Variants in ANO4 observed in about 807,000 individuals in gnomAD.
ANO4 encodes anoctamin-4.
A neutral mutation model predicts 141.9 loss-of-function variants in ANO4; 69 were observed. That is an observed-to-expected ratio of 0.49 (90% CI 0.40 to 0.59). ANO4 has a LOEUF of 0.59. Ranked by LOEUF, ANO4 falls within the 20% of genes least tolerant of loss-of-function variation. ANO4 has a pLI of 0.00. For missense variants in ANO4, 894 were observed against 1,162.2 expected, an observed-to-expected ratio of 0.77 and a Z score of 3.36; for synonymous variants, 350 against 394.3, an observed-to-expected ratio of 0.89 and a Z score of 1.33.
intron 14 of ANO4, among the ~76,000 whole-genome samples, chr12:101,053,102 TA>T (rs1361014098): frequency 2.0e-5 from 3 of 152,214 alleles, no homozygotes; most frequent in African/African-American, 7.2e-5. Flanking sequence ...AATCTCAGTA[TA>T]TTAAAGAAGC....
At chr12:100,922,450 C>G (rs1196460419) in intron 3 of ANO4, 120 bp downstream of exon 3, 1 of 654,466 alleles carries the variant, frequency 1.5e-6, no homozygotes, top group Non-Finnish European at 2.4e-6. Flanking sequence ...AAAATGATGT[C>G]TTGAAAGAGA....
intron 1 of ANO4, among the ~76,000 whole-genome samples, chr12:100,836,456 A>G (rs2036919224): frequency 6.6e-6 from 1 of 151,604 alleles, no homozygotes; most frequent in Non-Finnish European, 1.5e-5. Flanking sequence ...CTCGTCATTT[A>G]CATTAGGTAT....
At chr12:100,795,865 G>A (rs991440683) in intron 1 of ANO4, among the ~76,000 whole-genome samples, 5 of 152,044 alleles carry the variant, frequency 3.3e-5, no homozygotes, top group Non-Finnish European at 5.9e-5. Flanking sequence ...TTTATTCCAG[G>A]GACATTACTC....
At chr12:100,915,212 T>C (rs559534826) in intron 2 of ANO4, among the ~76,000 whole-genome samples, 2 of 152,160 alleles carry the variant, frequency 1.3e-5, no homozygotes, top group African/African-American at 2.4e-5. Flanking sequence ...ACTCCCAGTT[T>C]AGAAAATGGG....
intron 15 of ANO4, 69 bp downstream of exon 15, chr12:101,079,344 A>G: frequency 7.8e-7 from 1 of 1,280,646 alleles, no homozygotes; most frequent in South Asian, 1.2e-5. Flanking sequence ...CCCCCCCAAA[A>G]TTGTCACTCT....
At chr12:101,114,218 A>G (rs1238035364) in intron 24 of ANO4, among the ~76,000 whole-genome samples, 1 of 152,262 alleles carries the variant, frequency 6.6e-6, no homozygotes, top group Non-Finnish European at 1.5e-5. Context: ...TGAATTTTAT[A>G]CAGCAAAATG....
chr12:101,090,205 C>T (rs1465181058), intron 17 of ANO4, among the ~76,000 whole-genome samples: 1 of 152,204 alleles, frequency 6.6e-6, no homozygotes, highest in Non-Finnish European at 1.5e-5. Context: ...CCTCAAGGAT[C>T]TAGAACTAGA....
intron 4 of ANO4, among the ~76,000 whole-genome samples, 156 bp from the exon 5 acceptor site, chr12:100,942,221 C>T (rs370153294): frequency 2.0e-5 from 3 of 152,096 alleles, no homozygotes; most frequent in Non-Finnish European, 2.9e-5. Flanking sequence ...CCTCGTGATC[C>T]ACCCGCCTCG....
chr12:100,879,225 T>C (rs1385392154), intron 1 of ANO4, among the ~76,000 whole-genome samples: 2 of 152,210 alleles, frequency 1.3e-5, no homozygotes, highest in South Asian at 4.1e-4. Flanking sequence ...ATGTTTGTGG[T>C]GTGAATATTA....
chr12:100,772,628 C>A (rs2033347007), intron 3 of ANO4, among the ~76,000 whole-genome samples: 1 of 152,150 alleles, frequency 6.6e-6, no homozygotes, highest in African/African-American at 2.4e-5. Context: ...CCCTTTGGAG[C>A]CTGACGCAGC....
At chr12:101,111,173 A>G (rs1013993870) in intron 23 of ANO4, among the ~76,000 whole-genome samples, 1 of 152,236 alleles carries the variant, frequency 6.6e-6, no homozygotes, top group Non-Finnish European at 1.5e-5. Flanking sequence ...TTCTGTGAGC[A>G]CCTACCCTGG....
At chr12:100,732,070 G>A (rs11110501) in intron 1 of ANO4, among the ~76,000 whole-genome samples, 4 of 152,116 alleles carry the variant, frequency 2.6e-5, no homozygotes, top group Non-Finnish European at 4.4e-5. Flanking sequence ...TTGGATGGGC[G>A]TAAGTTTTCA....
At chr12:100,868,354 G>C (rs916687009) in intron 1 of ANO4, among the ~76,000 whole-genome samples, 2 of 152,126 alleles carry the variant, frequency 1.3e-5, no homozygotes, top group Non-Finnish European at 2.9e-5. Context: ...CCCAGCCCAC[G>C]AGAGTAGAAT....
intron 8 of ANO4, among the ~76,000 whole-genome samples, chr12:101,008,546 A>G (rs1242207363): frequency 1.3e-5 from 2 of 152,172 alleles, no homozygotes; most frequent in African/African-American, 4.8e-5. Flanking sequence ...AATGTAGATC[A>G]CTATTTACAT....
intron 3 of ANO4, among the ~76,000 whole-genome samples, chr12:100,925,457 T>C (rs1466574368): frequency 6.7e-6 from 1 of 149,494 alleles, no homozygotes; most frequent in Non-Finnish European, 1.5e-5. Context: ...GTTAGTTTGC[T>C]GAAAATGATG....
At chr12:100,839,405 T>G (rs573020492) in intron 1 of ANO4, among the ~76,000 whole-genome samples, 1 of 152,160 alleles carries the variant, frequency 6.6e-6, no homozygotes, top group Non-Finnish European at 1.5e-5. Context: ...AAAGAAAGTT[T>G]AGGGATACCT....
intron 25 of ANO4, among the ~76,000 whole-genome samples, chr12:101,117,503 CT>C (rs1449269599): frequency 4.6e-5 from 7 of 152,314 alleles, no homozygotes; most frequent in Admixed American, 4.6e-4. Context: ...AATGAGATTA[CT>C]TGTGCACAGT....
At chr12:101,055,320 C>T (rs1231903087) in intron 14 of ANO4, among the ~76,000 whole-genome samples, 1 of 152,162 alleles carries the variant, frequency 6.6e-6, no homozygotes, top group Non-Finnish European at 1.5e-5. Context: ...CCAGGTGTTC[C>T]ACATTCTCAC....
chr12:101,126,459 A>G (rs1342447297), intron 26 of ANO4, among the ~76,000 whole-genome samples: 1 of 152,190 alleles, frequency 6.6e-6, no homozygotes, highest in African/African-American at 2.4e-5. Flanking sequence ...TCTACAAGGC[A>G]TTTTTAAACA....
Sources: allele counts gnomAD v4.1 joint callset (sites outside exome capture counted in the v4.1 genomes callset), GRCh38; gene constraint gnomAD v4.1.1; transcripts MANE v1.5; gene names NCBI Gene and HGNC (gene_info 2026-07-23, HGNC 2026-07-21).